WDR7: variants seen among roughly 807,000 people sequenced by gnomAD.
The protein encoded by WDR7 is WD repeat-containing protein 7.
A neutral mutation model predicts 169.4 loss-of-function variants in WDR7; 46 were observed. The observed-to-expected ratio is 0.27, with a 90% CI of 0.21 to 0.35. The LOEUF (loss-of-function observed/expected upper bound fraction) is 0.35. Among genes scored for constraint, WDR7 ranks in the 10% least tolerant of loss-of-function variants. The pLI is 1.00. For synonymous variants in WDR7, 612 were observed against 666.8 expected, an observed-to-expected ratio of 0.92 and a Z score of 1.27; for missense variants, 1,534 against 1,859.3, an observed-to-expected ratio of 0.83 and a Z score of 3.22.
intron 20 of WDR7, among the ~76,000 whole-genome samples, chr18:56,826,361 G>C (rs977718539): frequency 2.0e-5 from 3 of 152,166 alleles, no homozygotes; most frequent in Non-Finnish European, 4.4e-5. Flanking sequence ...TGTTAAAGGG[G>C]AAAAACAGGT....
intron 18 of WDR7, 37 bp from the exon 19 acceptor site, chr18:56,781,496 C>T (rs79593392): frequency 0.018 from 27,101 of 1,523,290 alleles, 361 homozygotes; most frequent in African/African-American, 0.051. Context: ...CTCAACTAAT[C>T]TGCTTTCTGC....
At chr18:56,923,484 T>C (rs34034069) in intron 21 of WDR7, among the ~76,000 whole-genome samples, 2,640 of 152,314 alleles carry the variant, frequency 0.017, 80 homozygotes, top group African/African-American at 0.057. Flanking sequence ...CCATCCTTCA[T>C]TGCAACGCGC....
At chr18:56,933,760 G>A (rs937188747) in intron 22 of WDR7, among the ~76,000 whole-genome samples, 6 of 152,186 alleles carry the variant, frequency 3.9e-5, no homozygotes, top group African/African-American at 1.4e-4. Flanking sequence ...TCTCAGACCC[G>A]CCTTCTCACT....
chr18:56,923,793 G>T, intron 21 of WDR7, 129 bp from the exon 22 acceptor site: 1 of 850,434 alleles, frequency 1.2e-6, no homozygotes. Context: ...ATCTTGTGTA[G>T]TCTTGAGGTT....
chr18:56,867,226 G>A (rs895318193), intron 20 of WDR7, among the ~76,000 whole-genome samples: 1 of 152,028 alleles, frequency 6.6e-6, no homozygotes, highest in East Asian at 1.9e-4. Flanking sequence ...TAGTAGAAAT[G>A]TGGTTTCACC....
intron 20 of WDR7, among the ~76,000 whole-genome samples, chr18:56,867,449 T>TTTTTACATATTTCCAGGTTTTTACA (rs2045898774): frequency 6.6e-6 from 1 of 152,206 alleles, no homozygotes; most frequent in Non-Finnish European, 1.5e-5. Flanking sequence ...ACATATGCTG[T>TTTTTACATATTTCCAGGTTTTTACA]TATCTCTGTC....
At chr18:56,693,157 C>T (rs1471391716) in intron 9 of WDR7, among the ~76,000 whole-genome samples, 1 of 152,176 alleles carries the variant, frequency 6.6e-6, no homozygotes, top group Non-Finnish European at 1.5e-5. Context: ...CTGTTAATTA[C>T]TGTATTTGAT....
At position 57,029,670 on chromosome 18, in the gene WDR7, T is replaced by A. The variant is rs2048420255; in HGVS notation, c.*2463T>A. The A allele has an allele frequency of 6.6e-6, 1 of 152,192 alleles. No individual in the cohort carries two copies. The highest frequency in any genetic ancestry group is 1.9e-4 in the East Asian group (1 of 5,186). The allele number at this position is 152,192 out of a possible 1,614,324, so 9.4% of individuals were successfully genotyped here. A position where few individuals can be genotyped will look rare whatever the true frequency, so the allele number is the denominator to read the frequency against. ...AAATGTGATGATTGAACTCCCTGTGTACAGCGAGTGAATTAAAATGTCTGC... is the reference window on the plus strand; with the variant it reads ...AAATGTGATGATTGAACTCCCTGTGAACAGCGAGTGAATTAAAATGTCTGC... On this transcript the variant is annotated 3_prime_UTR_variant, in exon 28 of 28. Transcript: ENST00000254442.
intron 12 of WDR7, among the ~76,000 whole-genome samples, chr18:56,715,825 A>G (rs999190752): frequency 6.6e-6 from 1 of 152,210 alleles, no homozygotes; most frequent in Admixed American, 6.5e-5. Flanking sequence ...TGATGAGGGC[A>G]ATAAATAAAA....
At chr18:56,681,879 A>G (rs2025356688) in intron 4 of WDR7, among the ~76,000 whole-genome samples, 2 of 152,204 alleles carry the variant, frequency 1.3e-5, no homozygotes, top group Non-Finnish European at 2.9e-5. Context: ...CTTAATATGT[A>G]GAGTGTTACA....
At chr18:56,913,355 A>G (rs2046578666) in intron 21 of WDR7, among the ~76,000 whole-genome samples, 2 of 152,304 alleles carry the variant, frequency 1.3e-5, no homozygotes, top group South Asian at 4.1e-4. Flanking sequence ...CTCTCTTATT[A>G]TCGTTTCACT....
chr18:57,004,000 T>C (rs2048020548), intron 26 of WDR7, among the ~76,000 whole-genome samples: 2 of 151,974 alleles, frequency 1.3e-5, no homozygotes, highest in South Asian at 2.1e-4. Context: ...CCGCATTATA[T>C]TATACCCTCC....
At chr18:56,952,007 C>T (rs2047191215) in intron 25 of WDR7, among the ~76,000 whole-genome samples, 1 of 152,134 alleles carries the variant, frequency 6.6e-6, no homozygotes, top group African/African-American at 2.4e-5. Flanking sequence ...GTTTGCCAAC[C>T]TCTTTGATGT....
downstream of WDR7, chr18:57,032,809 A>T (rs1277968279): frequency 1.6e-4 from 3 of 18,850 alleles, no homozygotes; most frequent in African/African-American, 9.6e-4. Context: ...TTTTATATAT[A>T]TATATATATA....
chr18:56,767,193 G>A (rs527708139), intron 16 of WDR7, among the ~76,000 whole-genome samples: 1 of 152,156 alleles, frequency 6.6e-6, no homozygotes, highest in Non-Finnish European at 1.5e-5. Flanking sequence ...TTAGGCTGTT[G>A]GGAGCAGGCA....
chr18:56,903,675 C>G (rs2046435512), intron 21 of WDR7, among the ~76,000 whole-genome samples: 1 of 152,090 alleles, frequency 6.6e-6, no homozygotes, highest in Non-Finnish European at 1.5e-5. Context: ...ACTCCTCGGC[C>G]TCCCAAAGTG....
At chr18:56,659,075 G>C (rs1280087081) in intron 1 of WDR7, among the ~76,000 whole-genome samples, 1 of 152,146 alleles carries the variant, frequency 6.6e-6, no homozygotes, top group African/African-American at 2.4e-5. Context: ...AGTGACTGTA[G>C]TAGTGATTAT....
intron 12 of WDR7, among the ~76,000 whole-genome samples, chr18:56,703,059 A>G (rs1218435285): frequency 1.3e-5 from 2 of 152,224 alleles, no homozygotes; most frequent in East Asian, 3.8e-4. Context: ...TTAATTTATC[A>G]TATTAAACTT....
In WDR7 at chr18:56,855,234, GTT is replaced by G. The variant is rs57565346; in HGVS notation, c.3305-24702_3305-24701del. Among the ~76,000 whole-genome samples, 79 of 150,600 alleles carry G rather than the reference GTT, an allele frequency of 5.2e-4. 2 individuals are homozygous for G. Among genetic ancestry groups the G allele is most frequent in the Non-Finnish European group, 1.8e-4 (12 of 67,666 alleles). ...AAATGCCTGTTCAAGTCTTTTGCCT[GTT>G]TTTTTTTCCCCCCATTGGATGGTCT... On this transcript the variant is annotated intron_variant, in intron 20 of 27. Transcript: ENST00000254442.
Sources: gnomAD v4.1 joint callset for allele counts (sites outside exome capture counted in the v4.1 genomes callset) on GRCh38, gnomAD v4.1.1 for gene constraint, MANE v1.5 for transcripts, NCBI Gene and HGNC (gene_info 2026-07-23, HGNC 2026-07-21) for gene names.